AGTRAP: variants seen among roughly 807,000 people sequenced by gnomAD.
The protein encoded by AGTRAP is angiotensin II receptor associated protein, also known as type-1 angiotensin II receptor-associated protein.
Under a neutral mutation model 15.2 loss-of-function variants are expected in AGTRAP, and 7 were observed. The ratio of observed to expected loss-of-function variants is 0.46; its 90% CI spans 0.26 to 0.87. The LOEUF (loss-of-function observed/expected upper bound fraction) is 0.87, where lower values mean the gene tolerates loss of function less well. Ranked by LOEUF, AGTRAP falls within the 40% of genes least tolerant of loss-of-function variation. The probability of loss-of-function intolerance (pLI) is 0.15; values close to 1 mark genes in which losing one functional copy is unlikely to be tolerated. For missense variants in AGTRAP, 187 were observed against 213.4 expected, an observed-to-expected ratio of 0.88 and a Z score of 0.77; for synonymous variants, 74 against 89.6, an observed-to-expected ratio of 0.83 and a Z score of 0.98.
chr1:11,744,234 C>T (rs904747331), intron 1 of AGTRAP, among the ~76,000 whole-genome samples: 1 of 152,146 alleles, frequency 6.6e-6, no homozygotes, highest in Non-Finnish European at 1.5e-5. Flanking sequence ...GTGATGGCGC[C>T]ACTGAACTCC....
intron 4 of AGTRAP, among the ~76,000 whole-genome samples, chr1:11,749,027 T>C (rs1038086374): frequency 3.3e-5 from 5 of 152,166 alleles, no homozygotes; most frequent in African/African-American, 7.2e-5. Context: ...GTCTTCCCTC[T>C]CCTGCTGCAG....
At chr1:11,747,637 T>C (rs1642198412) in intron 3 of AGTRAP, 92 bp downstream of exon 3, 2 of 1,309,276 alleles carry the variant, frequency 1.5e-6, no homozygotes, top group East Asian at 2.3e-5. Context: ...CATCCCAATC[T>C]TCCCCCTCTT....
In AGTRAP at chr1:11,750,233, C is replaced by T. The variant is rs750118789; in HGVS notation, c.*41C>T. The T allele has an allele frequency of 2.6e-6, 4 of 1,529,680 alleles. No individual in the cohort carries two copies. The highest frequency in any genetic ancestry group is 2.3e-5 in the East Asian group (1 of 44,198). The allele number at this position is 1,529,680 out of a possible 1,614,324, so 94.8% of individuals were successfully genotyped here. On this transcript the variant is annotated 3_prime_UTR_variant, in exon 5 of 5. Transcript: ENST00000314340. ...GCCCGGCCCTGCCCCGGGCCTTCCTCGTGCCTGGGAGGTCGTTCTAGGGAT... is the reference window on the plus strand; with the variant it reads ...GCCCGGCCCTGCCCCGGGCCTTCCTTGTGCCTGGGAGGTCGTTCTAGGGAT...
At position 11,750,406 on chromosome 1, in the gene AGTRAP, G is replaced by T; in HGVS notation, c.*214G>T. 1 of 616,880 alleles carries T rather than the reference G, an allele frequency of 1.6e-6. No homozygotes were observed. The highest frequency in any genetic ancestry group is 2.9e-6 in the Non-Finnish European group (1 of 344,028). The allele number at this position is 616,880 out of a possible 1,614,324, so 38.2% of individuals were successfully genotyped here. A position where few individuals can be genotyped will look rare whatever the true frequency, so the allele number is the denominator to read the frequency against. Reference sequence around the variant, plus strand: ...CCCTGAGGCCTCCCCTCCCTTCAGGGCACCCACTGGTTCCCAGGCTGGAAC... The same window carrying T: ...CCCTGAGGCCTCCCCTCCCTTCAGGTCACCCACTGGTTCCCAGGCTGGAAC... On this transcript the variant is annotated 3_prime_UTR_variant, in exon 5 of 5. Coordinates refer to ENST00000314340, the MANE Select transcript of AGTRAP (RefSeq NM_020350.5).
At chr1:11,741,793 G>C (rs944778023) in intron 1 of AGTRAP, among the ~76,000 whole-genome samples, 2 of 152,228 alleles carry the variant, frequency 1.3e-5, no homozygotes, top group African/African-American at 4.8e-5. Flanking sequence ...CTAGCACATA[G>C]GAAGCGCTCA....
At position 11,744,515 on chromosome 1, in the gene AGTRAP, C is replaced by T. The variant is rs1300180442; in HGVS notation, c.28-1288C>T. 9.8e-6 allele frequency: 7 copies of T among 714,910 alleles called. No individual in the cohort carries two copies. In the East Asian group the frequency reaches 1.6e-4, roughly 17 times the overall value. 44.3% of individuals were successfully genotyped at this position (714,910 alleles called of 1,614,324 possible). A position where few individuals can be genotyped will look rare whatever the true frequency, so the allele number is the denominator to read the frequency against. On this transcript the variant is annotated intron_variant, in intron 1 of 4. Coordinates refer to ENST00000314340, the MANE Select transcript of AGTRAP (RefSeq NM_020350.5). Reference sequence around the variant, plus strand: ...TCTCTCCAGCCACAACAGCTGCTTTCCCCTCTGCCCCCCACAGTGCGCCAG... The same window carrying T: ...TCTCTCCAGCCACAACAGCTGCTTTTCCCTCTGCCCCCCACAGTGCGCCAG...
At chr1:11,740,130 T>C (rs1473110569) in intron 1 of AGTRAP, among the ~76,000 whole-genome samples, 2 of 152,242 alleles carry the variant, frequency 1.3e-5, no homozygotes, top group African/African-American at 4.8e-5. Flanking sequence ...CTCAGGTTCC[T>C]TCCCTGCTTC....
chr1:11,749,752 T>G (rs1462831751), intron 4 of AGTRAP, among the ~76,000 whole-genome samples: 1 of 152,174 alleles, frequency 6.6e-6, no homozygotes, highest in East Asian at 1.9e-4. Flanking sequence ...AGCCTGGCTT[T>G]GGACTCGGCT....
At chr1:11,740,368 G>A (rs551969799) in intron 1 of AGTRAP, among the ~76,000 whole-genome samples, 9 of 152,332 alleles carry the variant, frequency 5.9e-5, no homozygotes, top group Non-Finnish European at 1.3e-4. Context: ...ACTGAGGCAG[G>A]GGAGGCTTAG....
intron 1 of AGTRAP, among the ~76,000 whole-genome samples, chr1:11,741,632 T>C (rs1185310525): frequency 6.6e-6 from 1 of 152,182 alleles, no homozygotes; most frequent in African/African-American, 2.4e-5. Flanking sequence ...TGGGTTTGAG[T>C]CCTGGCTCTG....
At chr1:11,742,512 T>G (rs1642058104) in intron 1 of AGTRAP, among the ~76,000 whole-genome samples, 1 of 151,552 alleles carries the variant, frequency 6.6e-6, no homozygotes, top group African/African-American at 2.4e-5. Context: ...TCTCTTTCTC[T>G]CTTTCTTTCT....
At chr1:11,747,843 T>C (rs1410147677) in intron 3 of AGTRAP, among the ~76,000 whole-genome samples, 2 of 152,178 alleles carry the variant, frequency 1.3e-5, no homozygotes, top group Admixed American at 1.3e-4. Flanking sequence ...GCAAGAGCAG[T>C]GGAACATCCC....
At chr1:11,747,690 C>T (rs1642199582) in intron 3 of AGTRAP, 145 bp downstream of exon 3, 1 of 854,012 alleles carries the variant, frequency 1.2e-6, no homozygotes, top group East Asian at 2.6e-5. Flanking sequence ...TGTTCATCAG[C>T]CTCCTGGGCT....
rs1389867039 is a variant in AGTRAP, at chr1:11,742,135, T to C, written c.28-3668T>C. 2.0e-5 allele frequency among the ~76,000 whole-genome samples: 3 copies of C among 152,166 alleles called. No individual in the cohort carries two copies. The East Asian group carries it at 5.8e-4, about 29-fold the overall frequency. ...AAGGCCTGCGCCCCCAGCGGGGAGG[T>C]TGGGTGCACTGGTTTTGGAGGCGAG... On this transcript the variant is annotated intron_variant, in intron 1 of 4. Transcript: ENST00000314340.
At chr1:11,737,988 T>C (rs1021760451) in intron 1 of AGTRAP, among the ~76,000 whole-genome samples, 1 of 152,096 alleles carries the variant, frequency 6.6e-6, no homozygotes, top group Non-Finnish European at 1.5e-5. Context: ...CAACGAACAG[T>C]TTTTTAGTAT....
At chr1:11,742,462 TTC>T (rs1230272999) in intron 1 of AGTRAP, among the ~76,000 whole-genome samples, 59 of 151,936 alleles carry the variant, frequency 3.9e-4, no homozygotes, top group African/African-American at 1.3e-3. Flanking sequence ...CCTTCCTTCC[TTC>T]TTTCCTTCCT....
At position 11,750,181 on chromosome 1, in the gene AGTRAP, C is replaced by G. The variant is rs369121639; in HGVS notation, c.469C>G (p.Arg157Gly). 6.2e-7 allele frequency: 1 copy of G among 1,613,402 alleles called. No individual in the cohort carries two copies. The highest frequency in any genetic ancestry group is 8.5e-7 in the Non-Finnish European group (1 of 1,179,868). The change falls in exon 5 of 5, where the codon CGA becomes GGA. Residue 157 changes from arginine (R) to glycine (G), a missense_variant. Arg to Gly is a moderately radical substitution (Grantham distance 125, BLOSUM62 -2). Transcript: ENST00000314340. ...AVPEGRSQDA[R>G]GY ...CCCAGAGGGCAGGAGTCAAGATGCC[C>G]GAGGGTACTGAAGCCAGCCACGCTG...
At chr1:11,743,945 G>A (rs2100770741) in intron 1 of AGTRAP, among the ~76,000 whole-genome samples, 1 of 152,262 alleles carries the variant, frequency 6.6e-6, no homozygotes, top group East Asian at 1.9e-4. Context: ...CAGGAGAGGA[G>A]GCTGTCATTT....
Position 11,748,616 on chromosome 1 carries a change from G to T in AGTRAP, c.364+6G>T. The stretch of plus-strand genomic sequence containing the variant: ...TGAGCTCCTGGTCCACACTGGTGAG[G>T]CCACCACCTCCAGCCAGCTCCTCAC... On this transcript the variant is annotated splice_donor_region_variant and intron_variant, in intron 4 of 4. Transcript: ENST00000314340. 1.2e-6 allele frequency: 2 copies of T among 1,602,406 alleles called. No homozygotes were observed. The highest frequency in any genetic ancestry group is 8.5e-7 in the Non-Finnish European group (1 of 1,177,818).
Sources: allele counts gnomAD v4.1 joint callset (sites outside exome capture counted in the v4.1 genomes callset), GRCh38; gene constraint gnomAD v4.1.1; transcripts MANE v1.5; gene names NCBI Gene and HGNC (gene_info 2026-07-23, HGNC 2026-07-21).